KLRG1: variants seen among roughly 807,000 people sequenced by gnomAD.
The protein encoded by KLRG1 is killer cell lectin like receptor G1, also known as killer cell lectin-like receptor subfamily G member 1.
In KLRG1, 16 loss-of-function variants were observed where a neutral mutation model predicts 21.8. The observed-to-expected ratio is 0.73, with a 90% CI of 0.50 to 1.11. KLRG1 has a LOEUF of 1.11. Ranked by LOEUF, KLRG1 falls within the 50% of genes most tolerant of loss-of-function variation. The pLI, the probability that KLRG1 is intolerant of heterozygous loss-of-function variation, is 0.00. For synonymous variants in KLRG1, 69 were observed against 75.9 expected, an observed-to-expected ratio of 0.91 and a Z score of 0.47; for missense variants, 173 against 218.3, an observed-to-expected ratio of 0.79 and a Z score of 1.31.
chr12:9,046,618 A>C, the KLRG1 span, among the ~76,000 whole-genome samples: 4 of 152,226 alleles, frequency 2.6e-5, no homozygotes, highest in African/African-American at 9.6e-5. Flanking sequence ...TAAAGCATTG[A>C]AAGAAAAAAG....
the KLRG1 span, among the ~76,000 whole-genome samples, chr12:9,184,702 C>G: frequency 6.6e-6 from 1 of 152,204 alleles, no homozygotes; most frequent in East Asian, 1.9e-4. Context: ...ACCTTGGTCC[C>G]TTCAGTGCAA....
chr12:9,192,749 C>G, the KLRG1 span: 1 of 1,561,212 alleles, frequency 6.4e-7, no homozygotes, highest in Non-Finnish European at 8.8e-7. Flanking sequence ...CCTGAGTAAA[C>G]AGAAAAGCAA....
chr12:9,108,088 G>A, the KLRG1 span, among the ~76,000 whole-genome samples: 1 of 150,446 alleles, frequency 6.6e-6, no homozygotes, highest in Non-Finnish European at 1.5e-5. Context: ...TCTCTATATC[G>A]AGTTTCACTT....
the KLRG1 span, among the ~76,000 whole-genome samples, chr12:9,111,178 A>G: frequency 2.6e-5 from 4 of 152,206 alleles, no homozygotes; most frequent in African/African-American, 4.8e-5. Flanking sequence ...TTTAAAAACT[A>G]ATCTTTATTA....
chr12:9,084,007 T>G, the KLRG1 span, among the ~76,000 whole-genome samples: 1 of 152,012 alleles, frequency 6.6e-6, no homozygotes, highest in Non-Finnish European at 1.5e-5. Flanking sequence ...CCCGGCAGGC[T>G]GAGGGAGAGT....
the KLRG1 span, among the ~76,000 whole-genome samples, chr12:9,177,076 A>G: frequency 1.1e-3 from 171 of 152,336 alleles, no homozygotes; most frequent in African/African-American, 4.0e-3. Flanking sequence ...ATTGCCCACA[A>G]TAATCTCTGC....
At chr12:9,072,325 C>T in the KLRG1 span, 3 of 1,608,226 alleles carry the variant, frequency 1.9e-6, no homozygotes, top group Non-Finnish European at 2.5e-6. Context: ...GGTGGTTATT[C>T]TTAGGATTAG....
At chr12:9,159,906 A>T in the KLRG1 span, 2 of 1,551,762 alleles carry the variant, frequency 1.3e-6, no homozygotes, top group Non-Finnish European at 1.8e-6. Context: ...CTGAACTCAT[A>T]GTTGAAACTC....
At chr12:8,953,944 T>C (rs977295251) in intron 1 of KLRG1, among the ~76,000 whole-genome samples, 2 of 152,108 alleles carry the variant, frequency 1.3e-5, no homozygotes, top group African/African-American at 4.8e-5. Flanking sequence ...GTGTGTTTCC[T>C]ACCACAGGAA....
At chr12:9,089,337 AGTG>A in the KLRG1 span, 1 of 954,542 alleles carries the variant, frequency 1.0e-6, no homozygotes, top group South Asian at 1.4e-5. Flanking sequence ...ATATTTGGAT[AGTG>A]AAGAGAAGGA....
At chr12:9,017,128 G>A in the KLRG1 span, among the ~76,000 whole-genome samples, 4 of 151,580 alleles carry the variant, frequency 2.6e-5, no homozygotes, top group East Asian at 7.8e-4. Flanking sequence ...GCCAGGCGTG[G>A]TGGTGGGCAT....
At chr12:9,065,194 A>G in the KLRG1 span, 1 of 104,894 alleles carries the variant, frequency 9.5e-6, no homozygotes, top group Non-Finnish European at 1.8e-5. Context: ...CCAGCCTGCA[A>G]GGAGGCGCCA....
At chr12:9,079,689 T>C in the KLRG1 span, 1 of 1,613,670 alleles carries the variant, frequency 6.2e-7, no homozygotes, top group Non-Finnish European at 8.5e-7. Flanking sequence ...AGTAAGCTGC[T>C]GTGTTTCATT....
the KLRG1 span, among the ~76,000 whole-genome samples, chr12:9,140,445 G>A: frequency 6.6e-6 from 1 of 152,196 alleles, no homozygotes; most frequent in Non-Finnish European, 1.5e-5. Context: ...GAGAGGCAGA[G>A]GCACATGTTT....
the KLRG1 span, among the ~76,000 whole-genome samples, chr12:9,019,361 G>T: frequency 1.3e-5 from 2 of 152,148 alleles, no homozygotes; most frequent in African/African-American, 4.8e-5. Context: ...ACAATATGTA[G>T]TTTCCTCAAA....
At chr12:9,160,784 G>C in the KLRG1 span, among the ~76,000 whole-genome samples, 2 of 151,984 alleles carry the variant, frequency 1.3e-5, no homozygotes, top group Non-Finnish European at 2.9e-5. Context: ...GCGTGGTGGC[G>C]GGCGCCTGTA....
chr12:9,043,059 G>A, the KLRG1 span, among the ~76,000 whole-genome samples: 1 of 149,932 alleles, frequency 6.7e-6, no homozygotes, highest in African/African-American at 2.5e-5. Flanking sequence ...TTTTGGGTTT[G>A]TGTGCATGGC....
intron 1 of KLRG1, among the ~76,000 whole-genome samples, chr12:8,982,694 G>C (rs1238231777): frequency 7.0e-6 from 1 of 142,876 alleles, no homozygotes; most frequent in African/African-American, 2.6e-5. Flanking sequence ...TGTCCAGGCT[G>C]GAGTGCAATG....
At chr12:9,030,596 C>CG in the KLRG1 span, among the ~76,000 whole-genome samples, 7 of 152,024 alleles carry the variant, frequency 4.6e-5, no homozygotes, top group African/African-American at 1.4e-4. Context: ...TTAGTAGAGA[C>CG]GGGGTTTCAC....
Sources: gnomAD v4.1 joint callset for allele counts (sites outside exome capture counted in the v4.1 genomes callset) on GRCh38, gnomAD v4.1.1 for gene constraint, MANE v1.5 for transcripts, NCBI Gene and HGNC (gene_info 2026-07-23, HGNC 2026-07-21) for gene names.